The following TBL1X variants were observed in gnomAD, a reference collection of about 807,000 sequenced individuals.
TBL1X encodes transducin beta like 1 X-linked.
A neutral mutation model predicts 50.7 loss-of-function variants in TBL1X; 10 were observed. That is an observed-to-expected ratio of 0.20 (90% CI 0.12 to 0.33). The LOEUF is 0.33. Among genes scored for constraint, TBL1X ranks in the 10% least tolerant of loss-of-function variants. TBL1X has a pLI of 1.00. For missense variants in TBL1X, 340 were observed against 504.4 expected (o/e 0.67, Z 3.12); for synonymous variants, 190 against 214.7 (o/e 0.88, Z 1.01).
rs2082051772 is a variant in TBL1X, at chrX:9,510,809, T to TACCA, written c.-131+8960_-131+8961insACCA. On this transcript the variant is annotated intron_variant, in intron 2 of 17. Transcript: ENST00000645353. ...AGAGGAGGGAATTCTACCAGTATCC[T>TACCA]GCCTTTGGATTTGAGACTGTGACAT... Among the ~76,000 whole-genome samples the TACCA allele has an allele frequency of 8.0e-5, 9 of 112,171 alleles. No homozygotes were observed. In the South Asian group the frequency reaches 3.3e-3, roughly 42 times the overall value.
At chrX:9,563,105 C>T (rs992479731) in intron 2 of TBL1X, among the ~76,000 whole-genome samples, 18 of 112,640 alleles carry the variant, frequency 1.6e-4, no homozygotes, top group African/African-American at 5.5e-4. Context: ...ACAGAAGCAG[C>T]GTTTCTTACC....
At chrX:9,472,802 C>A (rs1206530347) in intron 1 of TBL1X, among the ~76,000 whole-genome samples, 2 of 109,691 alleles carry the variant, frequency 1.8e-5, no homozygotes, top group Non-Finnish European at 3.8e-5. Flanking sequence ...AGTCCCAGCT[C>A]CTTGGGAGGC....
chrX:9,554,340 C>G lies in TBL1X; in HGVS notation c.-131+52491C>G, dbSNP rs1239749926. Among the ~76,000 whole-genome samples the G allele has an allele frequency of 5.3e-5, 6 of 112,653 alleles. No individual in the cohort carries two copies. The East Asian group carries it at 8.3e-4, about 16-fold the overall frequency. The stretch of plus-strand genomic sequence containing the variant: ...TATTAACTCCGAATAAGCAGATACT[C>G]TAGCATATTTTATCTTCCAGATTGT... On this transcript the variant is annotated intron_variant, in intron 2 of 17. Coordinates refer to ENST00000645353, the MANE Select transcript of TBL1X (RefSeq NM_005647.4).
chrX:9,572,326 T>C (rs2082390274), intron 2 of TBL1X, among the ~76,000 whole-genome samples: 1 of 112,919 alleles, frequency 8.9e-6, no homozygotes, highest in Non-Finnish European at 1.9e-5. Flanking sequence ...TCTCTTCTGC[T>C]AGCTTCTCCC....
At chrX:9,691,113 A>C (rs183836114) in intron 7 of TBL1X, among the ~76,000 whole-genome samples, 1 of 111,906 alleles carries the variant, frequency 8.9e-6, no homozygotes. Flanking sequence ...TATTTACTAA[A>C]TTGCACTAAA....
chrX:9,563,920 T>C (rs986118180), intron 2 of TBL1X, among the ~76,000 whole-genome samples: 3 of 112,465 alleles, frequency 2.7e-5, no homozygotes, highest in Non-Finnish European at 5.6e-5. Context: ...TCATGACATA[T>C]TAGAACATTA....
chrX:9,618,432 T>G (rs953757902), intron 2 of TBL1X, among the ~76,000 whole-genome samples: 1 of 111,998 alleles, frequency 8.9e-6, no homozygotes, highest in Non-Finnish European at 1.9e-5. Context: ...TCCCAGCACT[T>G]TGGGAGGCCG....
intron 2 of TBL1X, among the ~76,000 whole-genome samples, chrX:9,530,326 A>AT (rs913324880): frequency 1.8e-5 from 2 of 111,891 alleles, no homozygotes; most frequent in African/African-American, 3.3e-5. Context: ...TAATGATTTG[A>AT]TTTTTTCCTT....
At chrX:9,676,169 G>C (rs1380059653) in intron 5 of TBL1X, among the ~76,000 whole-genome samples, 1 of 112,312 alleles carries the variant, frequency 8.9e-6, no homozygotes, top group African/African-American at 3.2e-5. Flanking sequence ...AGTGTTCCAA[G>C]GTGCTGGAGA....
chrX:9,655,288 G>A (rs1357563964), intron 5 of TBL1X, among the ~76,000 whole-genome samples: 1 of 110,778 alleles, frequency 9.0e-6, no homozygotes, highest in Non-Finnish European at 1.9e-5. Context: ...TCCTTCTGAG[G>A]GGAAGTCTCT....
At chrX:9,672,518 A>G (rs1258794874) in intron 5 of TBL1X, among the ~76,000 whole-genome samples, 3 of 110,597 alleles carry the variant, frequency 2.7e-5, no homozygotes, top group East Asian at 2.8e-4. Flanking sequence ...CTCAACTACT[A>G]CTGTCCTCAA....
At chrX:9,661,586 C>T (rs761277117) in intron 5 of TBL1X, among the ~76,000 whole-genome samples, 100 of 111,738 alleles carry the variant, frequency 8.9e-4, no homozygotes, top group Non-Finnish European at 1.6e-3. Context: ...TCTCTGGTGG[C>T]GATGCCATTC....
Position 9,546,803 on chromosome X carries a change from A to ATTTTTTTTTTTTTT in TBL1X, c.-131+44974_-131+44987dup, listed in dbSNP as rs774181046. 8.9e-5 allele frequency among the ~76,000 whole-genome samples: 4 copies of ATTTTTTTTTTTTTT among 44,980 alleles called. 1 individual carries two copies. Among genetic ancestry groups the ATTTTTTTTTTTTTT allele is most frequent in the Non-Finnish European group, 1.1e-4 (3 of 26,096 alleles). 39.1% of individuals were successfully genotyped at this position (44,980 alleles called of 115,157 possible). A position where few individuals can be genotyped will look rare whatever the true frequency, so the allele number is the denominator to read the frequency against. ...ATCACTATGGATTCATTTATTCTTA[A>ATTTTTTTTTTTTTT]TTTTTTTTTTTTTTTTTTTTTTTTT... On this transcript the variant is annotated intron_variant, in intron 2 of 17. Transcript: ENST00000645353.
At chrX:9,562,414 C>A (rs553491895) in intron 2 of TBL1X, among the ~76,000 whole-genome samples, 1 of 111,936 alleles carries the variant, frequency 8.9e-6, no homozygotes, top group Middle Eastern at 4.6e-3. Flanking sequence ...TTCCTGTGGG[C>A]TTGTTTTTTG....
chrX:9,482,345 G>A (rs1421608299), intron 1 of TBL1X, among the ~76,000 whole-genome samples: 2 of 111,250 alleles, frequency 1.8e-5, no homozygotes, highest in African/African-American at 6.5e-5. Flanking sequence ...TTTTTTTTCC[G>A]TGTCTATGGA....
intron 2 of TBL1X, among the ~76,000 whole-genome samples, chrX:9,599,604 A>G (rs767323778): frequency 2.7e-5 from 3 of 112,061 alleles, no homozygotes; most frequent in East Asian, 2.8e-4. Flanking sequence ...AGAGAGATCA[A>G]TTGATTACTT....
chrX:9,597,841 C>T (rs2082534099), intron 2 of TBL1X, among the ~76,000 whole-genome samples: 1 of 111,526 alleles, frequency 9.0e-6, no homozygotes, highest in South Asian at 3.7e-4. Context: ...TGAGTGTCAC[C>T]GATCAGGTTT....
chrX:9,608,369 C>T (rs2082594684), intron 2 of TBL1X, among the ~76,000 whole-genome samples: 1 of 111,854 alleles, frequency 8.9e-6, no homozygotes, highest in East Asian at 2.8e-4. Flanking sequence ...TGTTAAGCAT[C>T]TCTTCCTGGA....
At chrX:9,551,219 C>G (rs1323468909) in intron 2 of TBL1X, among the ~76,000 whole-genome samples, 1 of 110,867 alleles carries the variant, frequency 9.0e-6, no homozygotes, top group Non-Finnish European at 1.9e-5. Flanking sequence ...GATCAGTTTC[C>G]TTTGTGCTGC....
Sources: allele counts gnomAD v4.1 joint callset (sites outside exome capture counted in the v4.1 genomes callset), GRCh38; gene constraint gnomAD v4.1.1; transcripts MANE v1.5; gene names NCBI Gene and HGNC (gene_info 2026-07-23, HGNC 2026-07-21).